CTNNA2: variants seen among roughly 807,000 people sequenced by gnomAD.
The protein encoded by CTNNA2 is catenin alpha-2.
CTNNA2 carries 42 observed loss-of-function variants against 101.0 expected under a neutral mutation model. That is an observed-to-expected ratio of 0.42 (90% CI 0.32 to 0.54). CTNNA2 has a LOEUF of 0.54. CTNNA2 is among the 20% of genes least tolerant of loss of function. The probability of loss-of-function intolerance (pLI) is 0.14; values close to 1 mark genes in which losing one functional copy is unlikely to be tolerated. For missense variants in CTNNA2, 871 were observed against 1,223.1 expected, an observed-to-expected ratio of 0.71 and a Z score of 4.29; for synonymous variants, 450 against 456.4, an observed-to-expected ratio of 0.99 and a Z score of 0.18.
chr2:80,500,080 A>G (rs764449243), intron 9 of CTNNA2, among the ~76,000 whole-genome samples: 3 of 152,206 alleles, frequency 2.0e-5, no homozygotes, highest in Non-Finnish European at 2.9e-5. Flanking sequence ...ATGGAATATG[A>G]TTAAACCTTT....
chr2:80,048,088 G>A (rs1287923343), intron 7 of CTNNA2, among the ~76,000 whole-genome samples: 1 of 152,032 alleles, frequency 6.6e-6, no homozygotes, highest in African/African-American at 2.4e-5. Flanking sequence ...TTTAAAGACA[G>A]TTGTAAAGAA....
intron 2 of CTNNA2, among the ~76,000 whole-genome samples, chr2:79,298,562 T>G (rs1360928052): frequency 6.6e-6 from 1 of 151,922 alleles, no homozygotes; most frequent in Non-Finnish European, 1.5e-5. Flanking sequence ...TCTTCAGGAG[T>G]CTCCTTCCTG....
At chr2:79,305,373 C>CATATATATATATATATATAT (rs56285145) in intron 2 of CTNNA2, among the ~76,000 whole-genome samples, 22 of 138,244 alleles carry the variant, frequency 1.6e-4, no homozygotes, top group African/African-American at 4.2e-4. Context: ...TATATATACA[C>CATATATATATATATATATAT]ATATATATAT....
intron 7 of CTNNA2, among the ~76,000 whole-genome samples, chr2:80,230,261 T>TTTC (rs70940078): frequency 0.28 from 13,717 of 48,268 alleles, 1,442 homozygotes; most frequent in African/African-American, 0.47. Context: ...TTTTTCTTTG[T>TTTC]TTTTTTTTTT....
At chr2:79,964,658 G>A (rs892555123) in intron 7 of CTNNA2, among the ~76,000 whole-genome samples, 10 of 152,070 alleles carry the variant, frequency 6.6e-5, no homozygotes, top group African/African-American at 2.4e-4. Flanking sequence ...GCAGATAGAC[G>A]AATTACACAA....
intron 4 of CTNNA2, 73 bp downstream of exon 4, chr2:79,858,252 C>CCTCT: frequency 8.1e-7 from 1 of 1,237,302 alleles, no homozygotes; most frequent in Non-Finnish European, 1.2e-6. Flanking sequence ...ACAGCTCTGG[C>CCTCT]CTCTACTCTA....
chr2:80,628,400 T>TG (rs777461722), intron 18 of CTNNA2, among the ~76,000 whole-genome samples: 42 of 152,052 alleles, frequency 2.8e-4, no homozygotes, highest in Middle Eastern at 3.4e-3. Flanking sequence ...AGCATGGTAC[T>TG]GGTACCAAAC....
intron 7 of CTNNA2, among the ~76,000 whole-genome samples, chr2:80,093,978 T>A (rs1375193464): frequency 6.6e-6 from 1 of 152,092 alleles, no homozygotes; most frequent in African/African-American, 2.4e-5. Context: ...TGATGGTAGT[T>A]TCTTTTGCTG....
intron 7 of CTNNA2, among the ~76,000 whole-genome samples, chr2:80,123,045 C>T (rs1701930334): frequency 6.6e-6 from 1 of 152,174 alleles, no homozygotes; most frequent in African/African-American, 2.4e-5. Context: ...GTCCCACCAC[C>T]TCCTTTCCTC....
At chr2:80,496,619 C>T (rs1687496518) in intron 9 of CTNNA2, among the ~76,000 whole-genome samples, 1 of 151,932 alleles carries the variant, frequency 6.6e-6, no homozygotes, top group African/African-American at 2.4e-5. Context: ...AGATGAAAAA[C>T]AATGGCTGTG....
At chr2:79,739,019 A>G (rs1187515335) in intron 2 of CTNNA2, among the ~76,000 whole-genome samples, 2 of 151,040 alleles carry the variant, frequency 1.3e-5, no homozygotes, top group South Asian at 4.2e-4. Context: ...CCATCTTTAC[A>G]TATGTCAATA....
At chr2:79,666,032 A>G (rs1682393576) in intron 2 of CTNNA2, among the ~76,000 whole-genome samples, 1 of 152,162 alleles carries the variant, frequency 6.6e-6, no homozygotes, top group African/African-American at 2.4e-5. Flanking sequence ...GCTTGTTTTT[A>G]TCCCCGAGGG....
chr2:79,743,328 G>A (rs543445150), intron 2 of CTNNA2, among the ~76,000 whole-genome samples: 1 of 152,178 alleles, frequency 6.6e-6, no homozygotes, highest in South Asian at 2.1e-4. Flanking sequence ...GATATTAATA[G>A]CCTTTTTAGC....
intron 1 of CTNNA2, among the ~76,000 whole-genome samples, chr2:79,640,247 A>G (rs1680361396): frequency 1.3e-5 from 2 of 152,272 alleles, no homozygotes; most frequent in Non-Finnish European, 1.5e-5. Context: ...GAGACTTCCT[A>G]AAGAGGTTGG....
chr2:80,082,137 GC>G (rs1323273778), intron 7 of CTNNA2, among the ~76,000 whole-genome samples: 4 of 152,072 alleles, frequency 2.6e-5, no homozygotes, highest in Non-Finnish European at 4.4e-5. Flanking sequence ...AAATGGAAAT[GC>G]TTTTTGAGTC....
intron 4 of CTNNA2, among the ~76,000 whole-genome samples, chr2:79,867,147 G>A (rs538017169): frequency 5.0e-4 from 76 of 152,232 alleles, no homozygotes; most frequent in South Asian, 1.5e-3. Context: ...TGAGAGCAAG[G>A]TATTTGTTTG....
chr2:79,470,334 C>T (rs1238572620), intron 4 of CTNNA2, among the ~76,000 whole-genome samples: 2 of 151,786 alleles, frequency 1.3e-5, no homozygotes, highest in Admixed American at 6.6e-5. Context: ...AATGCCCTGT[C>T]TCTAAAAATA....
chr2:79,359,202 G>C (rs1255786140), intron 3 of CTNNA2, among the ~76,000 whole-genome samples: 1 of 152,148 alleles, frequency 6.6e-6, no homozygotes, highest in East Asian at 1.9e-4. Context: ...TAAAGTGGGA[G>C]ATTACATAAG....
chr2:79,974,290 C>T lies in CTNNA2; in HGVS notation c.1056+64493C>T, dbSNP rs187524372. Among the ~76,000 whole-genome samples the T allele has an allele frequency of 2.2e-4, 33 of 152,178 alleles. No homozygotes were observed. The East Asian group carries it at 3.7e-3, about 17-fold the overall frequency. ...GGAGCTAAAGATAAAGCCCAATGCCCGTCGTGAAGGAGACAAATAAATGCT... is the reference window on the plus strand; with the variant it reads ...GGAGCTAAAGATAAAGCCCAATGCCTGTCGTGAAGGAGACAAATAAATGCT... On this transcript the variant is annotated intron_variant, in intron 7 of 18. Transcript: ENST00000402739.
Sources: allele counts gnomAD v4.1 joint callset (sites outside exome capture counted in the v4.1 genomes callset), GRCh38; gene constraint gnomAD v4.1.1; transcripts MANE v1.5; gene names NCBI Gene and HGNC (gene_info 2026-07-23, HGNC 2026-07-21).